JHY: variants seen among roughly 807,000 people sequenced by gnomAD.
The protein encoded by JHY is junctional cadherin complex regulator.
A neutral mutation model predicts 78.0 loss-of-function variants in JHY; 69 were observed. The observed-to-expected ratio is 0.88, with a 90% CI of 0.73 to 1.08. The LOEUF (loss-of-function observed/expected upper bound fraction) is 1.08, where lower values mean the gene tolerates loss of function less well. Among genes scored for constraint, JHY ranks in the 50% least tolerant of loss-of-function variants. The pLI, the probability that JHY is intolerant of heterozygous loss-of-function variation, is 0.00. For synonymous variants in JHY, 368 were observed against 342.6 expected (o/e 1.07, Z -0.82); for missense variants, 944 against 927.8 (o/e 1.02, Z -0.23).
intron 3 of JHY, among the ~76,000 whole-genome samples, chr11:122,908,043 A>G (rs1863032589): frequency 6.6e-6 from 1 of 152,120 alleles, no homozygotes; most frequent in African/African-American, 2.4e-5. Context: ...TGGAGAATTT[A>G]AAAAGTATTG....
At chr11:122,939,970 T>G (rs1272326105) in intron 5 of JHY, among the ~76,000 whole-genome samples, 3 of 151,962 alleles carry the variant, frequency 2.0e-5, no homozygotes, top group Admixed American at 6.6e-5. Context: ...CAGCTTTTTT[T>G]TTTTTAAATT....
In JHY at chr11:122,934,993, A is replaced by T; in HGVS notation, c.1552A>T (p.Asn518Tyr). 6.2e-7 allele frequency: 1 copy of T among 1,613,698 alleles called. No individual in the cohort carries two copies. The highest frequency in any genetic ancestry group is 1.1e-5 in the South Asian group (1 of 91,032). The change falls in exon 5 of 9, where the codon AAT (asparagine) becomes TAT (tyrosine). Residue 518 changes from asparagine to tyrosine, a missense_variant. Asn to Tyr is a moderately radical substitution (Grantham distance 143). Transcript: ENST00000227349. The part of the protein sequence containing the change: ...QKGSQFVYHI[N>Y]THGSTKNKKQ... ...AGGCTCTCAGTTTGTTTATCACATA[A>T]ATACTCATGGATCAACCAAAAATAA...
At chr11:122,956,165 AAAAAT>A (rs1185473255) in intron 6 of JHY, among the ~76,000 whole-genome samples, 34 of 152,010 alleles carry the variant, frequency 2.2e-4, no homozygotes, top group African/African-American at 7.2e-4. Flanking sequence ...CCAAAAAAAA[AAAAAT>A]AAAATAAAAA....
At chr11:122,958,631 T>A (rs1454742525) in intron 8 of JHY, 1 of 718,368 alleles carries the variant, frequency 1.4e-6, no homozygotes. Flanking sequence ...AATGCAAAAC[T>A]GTTATAAAGG....
chr11:122,916,037 G>C (rs146586096), intron 3 of JHY, among the ~76,000 whole-genome samples: 1 of 152,116 alleles, frequency 6.6e-6, no homozygotes, highest in South Asian at 2.1e-4. Flanking sequence ...GAAGGGTCTC[G>C]GGGGTAGGGA....
chr11:122,931,330 A>G (rs1273924828), intron 4 of JHY, among the ~76,000 whole-genome samples: 1 of 152,254 alleles, frequency 6.6e-6, no homozygotes, highest in African/African-American at 2.4e-5. Context: ...AGGTAATGAT[A>G]GTATTAAAGA....
intron 4 of JHY, among the ~76,000 whole-genome samples, chr11:122,930,770 G>A (rs778145431): frequency 6.6e-6 from 1 of 152,204 alleles, no homozygotes; most frequent in Non-Finnish European, 1.5e-5. Context: ...TTAAGGCTCA[G>A]GACTCTTGCT....
At chr11:122,892,425 C>G (rs966397060) in intron 2 of JHY, among the ~76,000 whole-genome samples, 1 of 151,764 alleles carries the variant, frequency 6.6e-6, no homozygotes, top group African/African-American at 2.4e-5. Context: ...TGGGTTCAAG[C>G]AATTCTCCTG....
chr11:122,926,452 C>T (rs779750394), intron 4 of JHY, among the ~76,000 whole-genome samples: 4 of 146,806 alleles, frequency 2.7e-5, no homozygotes, highest in Admixed American at 1.4e-4. Flanking sequence ...AGGGACAGCC[C>T]GAATCATCTC....
chr11:122,915,773 C>G (rs1016651471), intron 3 of JHY, among the ~76,000 whole-genome samples: 1 of 152,188 alleles, frequency 6.6e-6, no homozygotes, highest in African/African-American at 2.4e-5. Flanking sequence ...CTCAGCCTCC[C>G]GAAGTGATGG....
intron 3 of JHY, among the ~76,000 whole-genome samples, chr11:122,922,502 C>G (rs370567583): frequency 1.3e-5 from 2 of 152,126 alleles, no homozygotes; most frequent in African/African-American, 4.8e-5. Context: ...GAATACAAGT[C>G]TGAAGTCAAG....
chr11:122,888,915 T>A (rs147954866), intron 2 of JHY, among the ~76,000 whole-genome samples: 43 of 152,336 alleles, frequency 2.8e-4, no homozygotes, highest in African/African-American at 9.6e-4. Context: ...TGAATATTGA[T>A]GAATATTTAG....
chr11:122,933,289 T>A (rs543318390), intron 4 of JHY, among the ~76,000 whole-genome samples: 8 of 152,336 alleles, frequency 5.3e-5, no homozygotes, highest in African/African-American at 1.9e-4. Flanking sequence ...CTAAAGAGAT[T>A]TTTTAGTATA....
intron 3 of JHY, chr11:122,905,454 T>C (rs1392704798): frequency 7.7e-7 from 1 of 1,299,576 alleles, no homozygotes; most frequent in Non-Finnish European, 9.7e-7. Context: ...AAATCCCAAC[T>C]GGTATTTTTT....
chr11:122,941,813 T>C (rs1248319956), intron 5 of JHY, among the ~76,000 whole-genome samples: 2 of 152,224 alleles, frequency 1.3e-5, no homozygotes, highest in East Asian at 1.9e-4. Context: ...TGCCTCCTGT[T>C]TGGTAAGGAC....
chr11:122,899,291 C>T (rs1862796262), intron 2 of JHY, among the ~76,000 whole-genome samples: 1 of 152,044 alleles, frequency 6.6e-6, no homozygotes, highest in Non-Finnish European at 1.5e-5. Flanking sequence ...TTTCTTTCAT[C>T]ACAGCATAAA....
At chr11:122,919,891 C>T (rs1863324181) in intron 3 of JHY, among the ~76,000 whole-genome samples, 1 of 152,192 alleles carries the variant, frequency 6.6e-6, no homozygotes, top group African/African-American at 2.4e-5. Context: ...ATGCTAAATA[C>T]ATTATGAGGT....
chr11:122,928,198 A>C (rs1352099150), intron 4 of JHY, among the ~76,000 whole-genome samples: 1 of 152,118 alleles, frequency 6.6e-6, no homozygotes, highest in Non-Finnish European at 1.5e-5. Context: ...CATGCCTATA[A>C]TCCTATTGCT....
At chr11:122,918,326 T>C (rs893911981) in intron 3 of JHY, among the ~76,000 whole-genome samples, 1 of 151,134 alleles carries the variant, frequency 6.6e-6, no homozygotes, top group Admixed American at 6.6e-5. Flanking sequence ...ACAGACAAAA[T>C]AGATAAATTA....
Sources: gnomAD v4.1 joint callset for allele counts (sites outside exome capture counted in the v4.1 genomes callset) on GRCh38, gnomAD v4.1.1 for gene constraint, MANE v1.5 for transcripts, NCBI Gene and HGNC (gene_info 2026-07-23, HGNC 2026-07-21) for gene names.